GALNTL6: variants seen among roughly 807,000 people sequenced by gnomAD.
GALNTL6 encodes the protein polypeptide N-acetylgalactosaminyltransferase-like 6.
Under a neutral mutation model 73.7 loss-of-function variants are expected in GALNTL6, and 46 were observed. The observed-to-expected ratio is 0.62, with a 90% CI of 0.49 to 0.80. GALNTL6 has a LOEUF of 0.80. GALNTL6 is among the 30% of genes least tolerant of loss of function. The probability of loss-of-function intolerance (pLI) is 0.00; values close to 1 mark genes in which losing one functional copy is unlikely to be tolerated. For synonymous variants in GALNTL6, 259 were observed against 263.7 expected (o/e 0.98, Z 0.17); for missense variants, 604 against 755.0 (o/e 0.80, Z 2.34).
intron 2 of GALNTL6, among the ~76,000 whole-genome samples, chr4:171,885,969 A>G (rs1254331369): frequency 6.6e-6 from 1 of 152,120 alleles, no homozygotes; most frequent in African/African-American, 2.4e-5. Flanking sequence ...TTAACTATAA[A>G]CTGACAATAA....
chr4:172,089,242 A>C (rs1316370938), intron 2 of GALNTL6, among the ~76,000 whole-genome samples: 2 of 152,200 alleles, frequency 1.3e-5, no homozygotes, highest in African/African-American at 4.8e-5. Flanking sequence ...ACAGAAAAAA[A>C]AAGACTAATG....
intron 2 of GALNTL6, among the ~76,000 whole-genome samples, chr4:171,966,207 G>T (rs1390030639): frequency 1.3e-5 from 2 of 152,256 alleles, no homozygotes; most frequent in African/African-American, 2.4e-5. Flanking sequence ...TTACCTTCTG[G>T]CATCTCCAGC....
intron 2 of GALNTL6, among the ~76,000 whole-genome samples, chr4:172,065,965 T>G (rs1579103857): frequency 6.6e-6 from 1 of 152,150 alleles, no homozygotes; most frequent in African/African-American, 2.4e-5. Flanking sequence ...CCTTGACATG[T>G]GAGGATTATC....
chr4:172,760,003 A>AT (rs1737985042), intron 5 of GALNTL6, among the ~76,000 whole-genome samples: 1 of 147,260 alleles, frequency 6.8e-6, no homozygotes, highest in South Asian at 2.2e-4. Flanking sequence ...CGCCCGGCTA[A>AT]TTTTTTGTAT....
chr4:172,696,308 G>A (rs1219555633), intron 5 of GALNTL6, among the ~76,000 whole-genome samples: 2 of 152,202 alleles, frequency 1.3e-5, no homozygotes, highest in Admixed American at 6.5e-5. Flanking sequence ...AACCTTAAAA[G>A]ACTGTTTTCC....
rs781059459 is a variant in GALNTL6, at chr4:172,406,850, T to A, written c.553+58161T>A. On this transcript the variant is annotated intron_variant, in intron 5 of 12. Transcript: ENST00000506823. ...AAAAAGTTTATTTCTATTTTTAAGT[T>A]TATTCATAGTTTCAATAATTCAAGA... Among the ~76,000 whole-genome samples the A allele has an allele frequency of 4.6e-5, 7 of 152,172 alleles. No homozygotes were observed. In the South Asian group the frequency reaches 1.4e-3, roughly 32 times the overall value.
intron 5 of GALNTL6, among the ~76,000 whole-genome samples, chr4:172,678,462 C>T (rs186862708): frequency 6.6e-6 from 1 of 152,098 alleles, no homozygotes; most frequent in African/African-American, 2.4e-5. Flanking sequence ...TCTCTTGCCT[C>T]AGCCTCCCAG....
At chr4:172,309,033 T>C (rs1740256383) in intron 3 of GALNTL6, among the ~76,000 whole-genome samples, 1 of 152,144 alleles carries the variant, frequency 6.6e-6, no homozygotes, top group Non-Finnish European at 1.5e-5. Context: ...ATAAATGACA[T>C]TTTCTCCTAA....
At chr4:172,964,283 T>C (rs1456382158) in intron 10 of GALNTL6, among the ~76,000 whole-genome samples, 1 of 152,188 alleles carries the variant, frequency 6.6e-6, no homozygotes, top group African/African-American at 2.4e-5. Flanking sequence ...TCATTTAGAG[T>C]GCTCCTTTAT....
intron 5 of GALNTL6, among the ~76,000 whole-genome samples, chr4:172,483,413 A>G (rs957178866): frequency 4.6e-5 from 7 of 152,168 alleles, no homozygotes; most frequent in Admixed American, 1.3e-4. Context: ...TGATTTCCAA[A>G]TATACTGGGG....
In GALNTL6 at chr4:172,311,161, A is replaced by G. The variant is rs1253967885; in HGVS notation, c.248-453A>G. Among the ~76,000 whole-genome samples, 3 of 152,224 alleles carry G rather than the reference A, an allele frequency of 2.0e-5. 1 individual carries two copies. Among genetic ancestry groups the G allele is most frequent in the South Asian group, 4.1e-4 (2 of 4,836 alleles). ...ATTTATGCTTCCCCTTCAAAAATGC[A>G]TAACTGTGAAAAGCAAAGATGTTCA... is the stretch of plus-strand genomic sequence containing the variant. On this transcript the variant is annotated intron_variant, in intron 3 of 12. Coordinates refer to ENST00000506823, the MANE Select transcript of GALNTL6 (RefSeq NM_001034845.3).
intron 2 of GALNTL6, among the ~76,000 whole-genome samples, chr4:171,888,307 A>C (rs1035395487): frequency 1.3e-5 from 2 of 150,982 alleles, no homozygotes; most frequent in Non-Finnish European, 2.9e-5. Context: ...ATTTACTTAC[A>C]TAACTTTAAA....
intron 7 of GALNTL6, among the ~76,000 whole-genome samples, chr4:172,872,810 A>C (rs1011203355): frequency 9.2e-5 from 14 of 152,314 alleles, no homozygotes; most frequent in African/African-American, 2.6e-4. Flanking sequence ...TTGACTAGTT[A>C]CAGGCCTATC....
intron 3 of GALNTL6, among the ~76,000 whole-genome samples, chr4:172,252,812 C>T (rs1194242587): frequency 6.6e-6 from 1 of 151,598 alleles, no homozygotes; most frequent in Admixed American, 6.6e-5. Context: ...GTCCTTGGTA[C>T]CTTACGTTCA....
At chr4:172,069,536 T>TG (rs1553989761) in intron 2 of GALNTL6, among the ~76,000 whole-genome samples, 1 of 18,904 alleles carries the variant, frequency 5.3e-5, no homozygotes, top group Non-Finnish European at 2.0e-4. Flanking sequence ...AACACATATA[T>TG]TATATATAAC....
chr4:171,940,376 C>G (rs546736973), intron 2 of GALNTL6, among the ~76,000 whole-genome samples: 140 of 151,980 alleles, frequency 9.2e-4, no homozygotes, highest in African/African-American at 3.1e-3. Flanking sequence ...ATCTTTGGAG[C>G]TCACATTACC....
At chr4:172,250,655 C>T (rs1445172795) in intron 3 of GALNTL6, among the ~76,000 whole-genome samples, 1 of 152,074 alleles carries the variant, frequency 6.6e-6, no homozygotes, top group Non-Finnish European at 1.5e-5. Context: ...GTTTGCTTCC[C>T]CTTCCACCAT....
At chr4:171,843,641 T>C (rs17280232) in intron 2 of GALNTL6, among the ~76,000 whole-genome samples, 5,940 of 152,202 alleles carry the variant, frequency 0.039, 143 homozygotes, top group Middle Eastern at 0.068. Context: ...GCTCTCCCCA[T>C]ATTGTGTGTG....
intron 5 of GALNTL6, among the ~76,000 whole-genome samples, chr4:172,770,265 C>CAATAGATAAATA (rs1738686052): frequency 7.1e-6 from 1 of 141,292 alleles, no homozygotes. Flanking sequence ...GACTCCATCT[C>CAATAGATAAATA]AATAAATAAA....
Sources: gnomAD v4.1 joint callset for allele counts (sites outside exome capture counted in the v4.1 genomes callset) on GRCh38, gnomAD v4.1.1 for gene constraint, MANE v1.5 for transcripts, NCBI Gene and HGNC (gene_info 2026-07-23, HGNC 2026-07-21) for gene names.